MEGF10: variants seen among roughly 807,000 people sequenced by gnomAD.
MEGF10 encodes the protein multiple epidermal growth factor-like domains protein 10.
A neutral mutation model predicts 147.5 loss-of-function variants in MEGF10; 86 were observed. That is an observed-to-expected ratio of 0.58 (90% CI 0.49 to 0.70). The LOEUF (loss-of-function observed/expected upper bound fraction) is 0.70. MEGF10 is among the 30% of genes least tolerant of loss of function. The pLI is 0.00. For missense variants in MEGF10, 1,329 were observed against 1,487.3 expected, an observed-to-expected ratio of 0.89 and a Z score of 1.75; for synonymous variants, 478 against 525.5, an observed-to-expected ratio of 0.91 and a Z score of 1.24.
the MEGF10 span, among the ~76,000 whole-genome samples, chr5:127,253,275 A>G: frequency 6.6e-6 from 1 of 152,018 alleles, no homozygotes; most frequent in Non-Finnish European, 1.5e-5. Context: ...ATGATAAAGT[A>G]TGAAGGAGTG....
chr5:127,367,891 C>A (rs1344143958), intron 4 of MEGF10, among the ~76,000 whole-genome samples: 3 of 152,166 alleles, frequency 2.0e-5, no homozygotes, highest in Middle Eastern at 3.2e-3. Flanking sequence ...GGGAGAGTCT[C>A]CTGTACCCAT....
chr5:127,451,696 G>A (rs79067810), intron 22 of MEGF10, among the ~76,000 whole-genome samples: 2,309 of 152,256 alleles, frequency 0.015, 61 homozygotes, highest in African/African-American at 0.053. Context: ...TCTGCTTTCT[G>A]GCTCAATGAG....
chr5:127,335,418 C>A (rs1332052485), intron 2 of MEGF10, among the ~76,000 whole-genome samples: 6 of 152,152 alleles, frequency 3.9e-5, no homozygotes, highest in Non-Finnish European at 8.8e-5. Context: ...AGCAGAGGAA[C>A]TAATTAAGTT....
the MEGF10 span, among the ~76,000 whole-genome samples, chr5:127,259,973 A>G: frequency 3.9e-5 from 6 of 152,082 alleles, no homozygotes; most frequent in Admixed American, 3.3e-4. Flanking sequence ...CCTGGCCAAC[A>G]TGGTGAAACC....
At chr5:127,240,917 C>T in the MEGF10 span, among the ~76,000 whole-genome samples, 1 of 152,126 alleles carries the variant, frequency 6.6e-6, no homozygotes, top group Non-Finnish European at 1.5e-5. Context: ...TTTATCTTTC[C>T]AGACCTAGAC....
At chr5:127,316,803 A>T (rs935437130) in intron 1 of MEGF10, among the ~76,000 whole-genome samples, 4 of 152,044 alleles carry the variant, frequency 2.6e-5, no homozygotes, top group African/African-American at 9.7e-5. Flanking sequence ...GTGTGTTACT[A>T]CTCTGACGAA....
chr5:127,292,655 AGGGT>A (rs1759313530), intron 1 of MEGF10, among the ~76,000 whole-genome samples: 1 of 152,204 alleles, frequency 6.6e-6, no homozygotes, highest in South Asian at 2.1e-4. Flanking sequence ...TGGAATTTAT[AGGGT>A]GGTGGGTCAT....
At chr5:127,318,186 G>T (rs1760640293) in intron 1 of MEGF10, among the ~76,000 whole-genome samples, 1 of 152,102 alleles carries the variant, frequency 6.6e-6, no homozygotes, top group South Asian at 2.1e-4. Context: ...TCAGGAAGCA[G>T]CCCCTCCCCA....
intron 22 of MEGF10, among the ~76,000 whole-genome samples, chr5:127,453,346 C>T (rs905240037): frequency 1.3e-5 from 2 of 152,118 alleles, no homozygotes; most frequent in South Asian, 2.1e-4. Flanking sequence ...CATGAGCCAC[C>T]GCACCCGGCC....
At chr5:127,352,893 G>T (rs1561588557) in intron 4 of MEGF10, among the ~76,000 whole-genome samples, 1 of 152,170 alleles carries the variant, frequency 6.6e-6, no homozygotes. Context: ...CCCCAGAGAG[G>T]TCAGTTCCCA....
chr5:127,330,822 T>C (rs1049926954), intron 1 of MEGF10, among the ~76,000 whole-genome samples: 4 of 152,124 alleles, frequency 2.6e-5, no homozygotes, highest in African/African-American at 9.7e-5. Context: ...GAGTGACTTA[T>C]CAAATGAATC....
At chr5:127,362,489 G>T (rs944691266) in intron 4 of MEGF10, among the ~76,000 whole-genome samples, 7 of 151,410 alleles carry the variant, frequency 4.6e-5, no homozygotes, top group African/African-American at 1.2e-4. Context: ...CCTGCCTCCC[G>T]AGTAGCTGGG....
intron 13 of MEGF10, among the ~76,000 whole-genome samples, chr5:127,432,295 T>A (rs1765411104): frequency 6.6e-6 from 1 of 152,244 alleles, no homozygotes; most frequent in South Asian, 2.1e-4. Context: ...AGTTTGGGAC[T>A]GCTTCCATGT....
Position 127,438,601 on chromosome 5 carries a change from G to T in MEGF10, c.2233+34G>T, listed in dbSNP as rs1298390034. The T allele has an allele frequency of 1.9e-6, 3 of 1,609,944 alleles. No homozygotes were observed. In the South Asian group the frequency reaches 3.3e-5, roughly 18 times the overall value. ...CAAGCCTTCTGAGGCTCACCAAGGG[G>T]AGCCTTGTCCAAGGAGGAAACAGCC... is the stretch of plus-strand genomic sequence containing the variant. On this transcript the variant is annotated intron_variant, in intron 17 of 24. Coordinates refer to ENST00000503335, the MANE Select transcript of MEGF10 (RefSeq NM_001256545.2).
the MEGF10 span, among the ~76,000 whole-genome samples, chr5:127,245,360 G>A: frequency 6.6e-6 from 1 of 152,130 alleles, no homozygotes; most frequent in Admixed American, 6.5e-5. Flanking sequence ...AATGGGGAAA[G>A]GACTCCCTAT....
intron 1 of MEGF10, among the ~76,000 whole-genome samples, chr5:127,302,373 A>G (rs1365079816): frequency 6.6e-6 from 1 of 152,226 alleles, no homozygotes; most frequent in Admixed American, 6.5e-5. Context: ...AGCTAGACAC[A>G]AAAGACCACA....
chr5:127,416,289 A>G (rs1056914312), intron 9 of MEGF10, among the ~76,000 whole-genome samples: 99 of 151,262 alleles, frequency 6.5e-4, no homozygotes, highest in African/African-American at 2.3e-3. Context: ...CAGCCTCCCA[A>G]AGTGCTGGGA....
At chr5:127,263,558 T>C in the MEGF10 span, among the ~76,000 whole-genome samples, 1 of 152,158 alleles carries the variant, frequency 6.6e-6, no homozygotes, top group African/African-American at 2.4e-5. Flanking sequence ...AAGTAAGCTG[T>C]AGGATTGCTT....
intron 5 of MEGF10, among the ~76,000 whole-genome samples, chr5:127,391,098 GCGCGCACA>G (rs1283204333): frequency 3.1e-3 from 91 of 29,776 alleles, no homozygotes; most frequent in Non-Finnish European, 6.7e-3. Flanking sequence ...GCGCGCGCGC[GCGCGCACA>G]CACACACACA....
Sources: gnomAD v4.1 joint callset for allele counts (sites outside exome capture counted in the v4.1 genomes callset) on GRCh38, gnomAD v4.1.1 for gene constraint, MANE v1.5 for transcripts, NCBI Gene and HGNC (gene_info 2026-07-23, HGNC 2026-07-21) for gene names.